GNG4: variants seen among roughly 807,000 people sequenced by gnomAD.
GNG4 encodes G protein subunit gamma 4.
A neutral mutation model predicts 5.8 loss-of-function variants in GNG4; 4 were observed. The ratio of observed to expected loss-of-function variants is 0.69; its 90% CI spans 0.34 to 1.57. The LOEUF is 1.57. Among genes scored for constraint, GNG4 ranks in the 40% most tolerant of loss-of-function variants. GNG4 has a pLI of 0.06. For synonymous variants in GNG4, 29 were observed against 32.9 expected, an observed-to-expected ratio of 0.88 and a Z score of 0.41; for missense variants, 96 against 95.1, an observed-to-expected ratio of 1.01 and a Z score of -0.04.
At chr1:235,617,565 A>T (rs1489471744) in intron 1 of GNG4, among the ~76,000 whole-genome samples, 2 of 152,118 alleles carry the variant, frequency 1.3e-5, no homozygotes, top group Non-Finnish European at 2.9e-5. Flanking sequence ...TGTGATTCCC[A>T]CTTCCCTTCC....
intron 2 of GNG4, among the ~76,000 whole-genome samples, chr1:235,585,240 T>TCTTC (rs749340174): frequency 6.6e-6 from 1 of 151,598 alleles, no homozygotes; most frequent in East Asian, 1.9e-4. Flanking sequence ...CCCCTTCCCT[T>TCTTC]CTTCCTTCCT....
intron 1 of GNG4, among the ~76,000 whole-genome samples, chr1:235,616,689 T>A (rs1688595987): frequency 6.6e-6 from 1 of 151,950 alleles, no homozygotes; most frequent in Non-Finnish European, 1.5e-5. Context: ...TTTCTCTGAT[T>A]ACCCTCGCCT....
intron 1 of GNG4, among the ~76,000 whole-genome samples, chr1:235,622,794 C>A (rs766485295): frequency 1.4e-5 from 2 of 143,764 alleles, no homozygotes; most frequent in Admixed American, 1.5e-4. Flanking sequence ...ATCGCTTGAA[C>A]CTGCTGGGAG....
intron 3 of GNG4, among the ~76,000 whole-genome samples, chr1:235,556,383 C>A (rs1686907210): frequency 6.6e-6 from 1 of 151,600 alleles, no homozygotes; most frequent in African/African-American, 2.4e-5. Flanking sequence ...CATGGTGAAA[C>A]CCCGTCTCTA....
In GNG4 at chr1:235,552,084, G is replaced by A. The variant is rs1048717810; in HGVS notation, c.*25C>T. On this transcript the variant is annotated 3_prime_UTR_variant, in exon 4 of 4. Coordinates refer to ENST00000391854, the MANE Select transcript of GNG4 (RefSeq NM_001098722.2). ...ACAGGGGACTTTGAAGGTCAGAAAA[G>A]GAGGCGTTTTCATCACACACGGAGT... The A allele has an allele frequency of 5.0e-6, 8 of 1,611,784 alleles. No individual in the cohort carries two copies. The highest frequency in any genetic ancestry group is 5.9e-6 in the Non-Finnish European group (7 of 1,178,370).
chr1:235,645,236 G>A (rs1558508295), intron 1 of GNG4, among the ~76,000 whole-genome samples: 1 of 152,130 alleles, frequency 6.6e-6, no homozygotes, highest in South Asian at 2.1e-4. Flanking sequence ...GGCCATTGTG[G>A]AGAAGAACCT....
intron 1 of GNG4, among the ~76,000 whole-genome samples, chr1:235,605,307 T>C (rs1286177495): frequency 6.6e-6 from 1 of 151,816 alleles, no homozygotes; most frequent in African/African-American, 2.4e-5. Context: ...TCTCTTGCCT[T>C]AGCCTCCCAA....
chr1:235,608,685 T>A (rs571050124), intron 1 of GNG4, among the ~76,000 whole-genome samples: 10 of 122,430 alleles, frequency 8.2e-5, no homozygotes, highest in African/African-American at 4.0e-4. Flanking sequence ...TTTTTATTTT[T>A]TATTTTTTTT....
chr1:235,650,568 C>T (rs571532757), upstream of GNG4: 12 of 152,364 alleles, frequency 7.9e-5, no homozygotes, highest in African/African-American at 2.6e-4. Context: ...TTCGCGCGGC[C>T]GCGTCGCCAC....
At chr1:235,553,788 C>A (rs563939170) in intron 3 of GNG4, among the ~76,000 whole-genome samples, 1 of 152,198 alleles carries the variant, frequency 6.6e-6, no homozygotes, top group South Asian at 2.1e-4. Flanking sequence ...GATCTACCCC[C>A]GCCCGTAAGC....
At chr1:235,616,585 G>A (rs564267264) in intron 1 of GNG4, among the ~76,000 whole-genome samples, 1 of 152,302 alleles carries the variant, frequency 6.6e-6, no homozygotes, top group Admixed American at 6.5e-5. Context: ...AACGTCCCTA[G>A]TAACCAGTCT....
intron 1 of GNG4, among the ~76,000 whole-genome samples, chr1:235,630,075 G>A (rs1688901655): frequency 6.6e-6 from 1 of 152,186 alleles, no homozygotes; most frequent in South Asian, 2.1e-4. Context: ...TTATGAGCAT[G>A]TCTCTTGCAC....
At chr1:235,621,954 G>A (rs566567517) in intron 1 of GNG4, among the ~76,000 whole-genome samples, 1 of 152,234 alleles carries the variant, frequency 6.6e-6, no homozygotes, top group Non-Finnish European at 1.5e-5. Flanking sequence ...TGGGATTACA[G>A]GCATGAGCCA....
chr1:235,571,653 C>T (rs1293627503), intron 3 of GNG4, among the ~76,000 whole-genome samples: 1 of 152,090 alleles, frequency 6.6e-6, no homozygotes, highest in Non-Finnish European at 1.5e-5. Flanking sequence ...AGTCATGTGT[C>T]GCTTAATGAC....
At chr1:235,558,647 T>TA (rs1449462372) in intron 3 of GNG4, among the ~76,000 whole-genome samples, 1 of 152,216 alleles carries the variant, frequency 6.6e-6, no homozygotes, top group Non-Finnish European at 1.5e-5. Context: ...CAGATCCCAT[T>TA]AAACATCTGC....
intron 1 of GNG4, among the ~76,000 whole-genome samples, chr1:235,627,473 G>C (rs898121975): frequency 1.3e-5 from 2 of 152,038 alleles, no homozygotes; most frequent in African/African-American, 4.8e-5. Flanking sequence ...TGCCCGCCTC[G>C]GCTTCCCAAA....
At chr1:235,614,331 CTT>C (rs1197214813) in intron 1 of GNG4, among the ~76,000 whole-genome samples, 2 of 151,462 alleles carry the variant, frequency 1.3e-5, no homozygotes, top group African/African-American at 2.4e-5. Flanking sequence ...TTTTATGACT[CTT>C]TTCACAAAAG....
At chr1:235,598,230 G>C (rs992722413) in intron 1 of GNG4, among the ~76,000 whole-genome samples, 3 of 152,154 alleles carry the variant, frequency 2.0e-5, no homozygotes, top group African/African-American at 7.2e-5. Flanking sequence ...AGCTCTCTTG[G>C]AGATTATGAT....
intron 1 of GNG4, among the ~76,000 whole-genome samples, chr1:235,635,154 T>A (rs1351076794): frequency 1.3e-5 from 2 of 152,110 alleles, no homozygotes; most frequent in African/African-American, 2.4e-5. Context: ...ATTTATAAAT[T>A]AGGTCCCTTC....
Sources: gnomAD v4.1 joint callset for allele counts (sites outside exome capture counted in the v4.1 genomes callset) on GRCh38, gnomAD v4.1.1 for gene constraint, MANE v1.5 for transcripts, NCBI Gene and HGNC (gene_info 2026-07-23, HGNC 2026-07-21) for gene names.